The following FGF12 variants were observed in gnomAD, a reference collection of about 807,000 sequenced individuals.
The protein encoded by FGF12 is fibroblast growth factor 12.
In FGF12, 14 loss-of-function variants were observed where a neutral mutation model predicts 23.6. The ratio of observed to expected loss-of-function variants is 0.59; its 90% CI spans 0.39 to 0.93. The LOEUF (loss-of-function observed/expected upper bound fraction) is 0.93, where lower values mean the gene tolerates loss of function less well. FGF12 is among the 40% of genes least tolerant of loss of function. The pLI is 0.00. For synonymous variants in FGF12, 62 were observed against 77.3 expected (o/e 0.80, Z 1.04); for missense variants, 175 against 217.8 (o/e 0.80, Z 1.24).
At chr3:192,640,105 T>C (rs1462211765) in intron 2 of FGF12, among the ~76,000 whole-genome samples, 2 of 151,978 alleles carry the variant, frequency 1.3e-5, no homozygotes, top group Non-Finnish European at 2.9e-5. Flanking sequence ...ATGTAGGTCA[T>C]AGGTTGTGAG....
chr3:192,479,888 T>C (rs1723432012), intron 2 of FGF12, among the ~76,000 whole-genome samples: 1 of 152,054 alleles, frequency 6.6e-6, no homozygotes, highest in Non-Finnish European at 1.5e-5. Flanking sequence ...CTATAGAGCA[T>C]ATACAATCAG....
chr3:192,238,912 A>C (rs1237275782), intron 4 of FGF12, among the ~76,000 whole-genome samples: 1 of 152,196 alleles, frequency 6.6e-6, no homozygotes, highest in Non-Finnish European at 1.5e-5. Flanking sequence ...AGTCTATACT[A>C]ATCTAATTCT....
chr3:192,624,197 A>G (rs867562332), intron 2 of FGF12, among the ~76,000 whole-genome samples: 1 of 146,936 alleles, frequency 6.8e-6, no homozygotes, highest in Non-Finnish European at 1.5e-5. Flanking sequence ...TCTCTTAGAT[A>G]AAAAAAAAAA....
chr3:192,423,724 C>G (rs1721605847), intron 2 of FGF12, among the ~76,000 whole-genome samples: 1 of 152,164 alleles, frequency 6.6e-6, no homozygotes, highest in Non-Finnish European at 1.5e-5. Flanking sequence ...CCTCCTGATT[C>G]TACGATCAGT....
intron 2 of FGF12, among the ~76,000 whole-genome samples, chr3:192,380,095 A>T (rs554230114): frequency 4.6e-5 from 7 of 152,320 alleles, no homozygotes; most frequent in African/African-American, 1.7e-4. Flanking sequence ...CTATGCCAGA[A>T]ATCTCTAAGA....
chr3:192,451,249 A>C (rs1722511367), intron 2 of FGF12, among the ~76,000 whole-genome samples: 1 of 152,252 alleles, frequency 6.6e-6, no homozygotes, highest in Admixed American at 6.5e-5. Context: ...CAGTAGGTAT[A>C]AAGAATGATC....
chr3:192,648,563 T>A (rs1716098765), intron 2 of FGF12, among the ~76,000 whole-genome samples: 1 of 152,048 alleles, frequency 6.6e-6, no homozygotes, highest in African/African-American at 2.4e-5. Flanking sequence ...CAAATTGTTT[T>A]AAAAACCCAT....
chr3:192,551,141 A>G (rs898392999), intron 2 of FGF12, among the ~76,000 whole-genome samples: 5 of 152,234 alleles, frequency 3.3e-5, no homozygotes, highest in Non-Finnish European at 5.9e-5. Flanking sequence ...CAAATGGTGC[A>G]GGACTGTCAT....
intron 2 of FGF12, among the ~76,000 whole-genome samples, chr3:192,539,430 T>C (rs1220651476): frequency 1.3e-5 from 2 of 152,232 alleles, no homozygotes; most frequent in Admixed American, 1.3e-4. Flanking sequence ...TCTGTTGATA[T>C]AATGCATCAC....
intron 4 of FGF12, among the ~76,000 whole-genome samples, chr3:192,326,109 C>T (rs890966621): frequency 6.6e-6 from 1 of 152,266 alleles, no homozygotes; most frequent in East Asian, 1.9e-4. Flanking sequence ...TTACAGTTTT[C>T]AGTGCCATGA....
chr3:192,442,918 C>T (rs753807165), intron 2 of FGF12, among the ~76,000 whole-genome samples: 1 of 151,858 alleles, frequency 6.6e-6, no homozygotes, highest in Non-Finnish European at 1.5e-5. Context: ...AGCGATTCTC[C>T]TGCCTCAGCC....
chr3:192,669,996 T>A (rs566514213), intron 2 of FGF12, among the ~76,000 whole-genome samples: 2 of 152,306 alleles, frequency 1.3e-5, no homozygotes, highest in East Asian at 3.9e-4. Context: ...TAAGAAACAA[T>A]CACTGGCTGA....
intron 2 of FGF12, among the ~76,000 whole-genome samples, chr3:192,451,200 T>C (rs917074697): frequency 6.6e-6 from 1 of 152,226 alleles, no homozygotes; most frequent in Admixed American, 6.5e-5. Context: ...TGCCCAATGA[T>C]AGATATTTAT....
chr3:192,726,991 C>T (rs1719238985), intron 2 of FGF12, 190 bp downstream of exon 2: 1 of 683,788 alleles, frequency 1.5e-6, no homozygotes, highest in South Asian at 1.8e-5. Context: ...ACACTGTCTT[C>T]CAAGCTGTGG....
intron 2 of FGF12, among the ~76,000 whole-genome samples, chr3:192,657,945 A>G (rs1184410130): frequency 2.0e-5 from 3 of 151,622 alleles, no homozygotes; most frequent in Non-Finnish European, 2.9e-5. Context: ...GGGCTAAACT[A>G]TATTTCTGCA....
chr3:192,555,228 T>C (rs1034642449), intron 2 of FGF12, among the ~76,000 whole-genome samples: 2 of 152,088 alleles, frequency 1.3e-5, no homozygotes, highest in Non-Finnish European at 2.9e-5. Flanking sequence ...AAGAAATCTA[T>C]AACAAGCCAC....
chr3:192,658,826 G>A (rs2108682408), intron 2 of FGF12, among the ~76,000 whole-genome samples: 2 of 152,034 alleles, frequency 1.3e-5, no homozygotes, highest in Non-Finnish European at 2.9e-5. Context: ...TTTTTCTCTG[G>A]AAATTTTATA....
At chr3:192,580,305 G>A (rs1470658903) in intron 2 of FGF12, among the ~76,000 whole-genome samples, 2 of 149,928 alleles carry the variant, frequency 1.3e-5, no homozygotes, top group African/African-American at 4.9e-5. Context: ...ATTTATCATG[G>A]AGTCAACATT....
intron 4 of FGF12, among the ~76,000 whole-genome samples, chr3:192,243,982 C>T (rs951208696): frequency 1.3e-5 from 2 of 152,018 alleles, no homozygotes; most frequent in African/African-American, 2.4e-5. Flanking sequence ...TATGCTAAAA[C>T]CACATATCAT....
Sources: allele counts gnomAD v4.1 joint callset (sites outside exome capture counted in the v4.1 genomes callset), GRCh38; gene constraint gnomAD v4.1.1; transcripts MANE v1.5; gene names NCBI Gene and HGNC (gene_info 2026-07-23, HGNC 2026-07-21).